The following CLEC12A variants were observed in gnomAD, a reference collection of about 807,000 sequenced individuals.
The protein encoded by CLEC12A is C-type lectin protein CLL-1.
In CLEC12A, 22 loss-of-function variants were observed where a neutral mutation model predicts 26.5. The observed-to-expected ratio is 0.83, with a 90% CI of 0.59 to 1.19. CLEC12A has a LOEUF of 1.19. Ranked by LOEUF, CLEC12A falls within the 50% of genes most tolerant of loss-of-function variation. The probability of loss-of-function intolerance (pLI) is 0.00; values close to 1 mark genes in which losing one functional copy is unlikely to be tolerated. For synonymous variants in CLEC12A, 119 were observed against 101.9 expected (o/e 1.17, Z -1.01); for missense variants, 353 against 315.6 (o/e 1.12, Z -0.90).
chr12:9,974,411 C>T (rs1416315992), intron 1 of CLEC12A, among the ~76,000 whole-genome samples: 8 of 152,154 alleles, frequency 5.3e-5, no homozygotes. Context: ...TAGAGTGACT[C>T]CCCAATATCT....
rs561276467 is a variant in CLEC12A at position 9,994,504 on chromosome 12, T to C, written n.1005-514T>C. Among the ~76,000 whole-genome samples, 44 of 152,236 alleles carry C rather than the reference T, an allele frequency of 2.9e-4. No individual in the cohort carries two copies. The East Asian group carries it at 5.6e-3, about 19-fold the overall frequency. On this transcript the variant is annotated intron_variant and non_coding_transcript_variant, in intron 4 of 4. Transcript: ENST00000449959. ...TTGAAGAGAGACTGCAGTTTTGATA[T>C]ACAGGATGAACAAAAGATGTTGAGA...
At chr12:9,978,881 AAATG>A in intron 1 of CLEC12A, 81 bp from the exon 2 acceptor site, 89 of 970,856 alleles carry the variant, frequency 9.2e-5, no homozygotes, top group Non-Finnish European at 1.2e-4. Flanking sequence ...AATAAAGGTA[AAATG>A]AATGAATGAA....
chr12:9,961,006 G>A (rs1021881493), intron 1 of CLEC12A, among the ~76,000 whole-genome samples: 22 of 152,310 alleles, frequency 1.4e-4, no homozygotes, highest in Admixed American at 8.5e-4. Context: ...GAGGCCCTGC[G>A]AACATGCACC....
upstream of CLEC12A, among the ~76,000 whole-genome samples, chr12:9,969,039 C>G (rs75778817): frequency 0.017 from 2,610 of 152,076 alleles, 21 homozygotes; most frequent in Non-Finnish European, 0.023. Context: ...TATGTGAGAG[C>G]TAAAAGAATG....
chr12:9,954,251 C>T (rs1184973468), intron 1 of CLEC12A, among the ~76,000 whole-genome samples: 11 of 145,832 alleles, frequency 7.5e-5, no homozygotes, highest in Admixed American at 3.4e-4. Flanking sequence ...GTCAGCTGGG[C>T]GCAAGAAACT....
downstream of CLEC12A, among the ~76,000 whole-genome samples, chr12:9,990,260 T>A (rs1864862198): frequency 1.3e-5 from 2 of 152,198 alleles, no homozygotes; most frequent in South Asian, 4.1e-4. Context: ...CTGATTCTTC[T>A]TATATATCAG....
intron 1 of CLEC12A, chr12:9,953,437 C>A (rs1863677159): frequency 8.5e-6 from 1 of 117,782 alleles, no homozygotes; most frequent in Admixed American, 9.1e-5. Context: ...TGGCCAGCCG[C>A]CCCGTCCGGG....
At chr12:9,963,896 A>G (rs1353803986) in intron 1 of CLEC12A, among the ~76,000 whole-genome samples, 1 of 152,124 alleles carries the variant, frequency 6.6e-6, no homozygotes, top group East Asian at 1.9e-4. Context: ...GGGAGGTTCG[A>G]TTTTCATGGT....
the CLEC12A span, among the ~76,000 whole-genome samples, chr12:10,001,850 A>T: frequency 8.0e-5 from 12 of 149,702 alleles, no homozygotes; most frequent in African/African-American, 2.9e-4. Flanking sequence ...CCTTTTCTTC[A>T]CTAAGGAAAC....
chr12:9,980,452 G>C, intron 3 of CLEC12A, 130 bp from the exon 4 acceptor site: 1 of 1,005,216 alleles, frequency 9.9e-7, no homozygotes, highest in Non-Finnish European at 1.4e-6. Context: ...AAAAAAAGGG[G>C]GAAAGAGAGA....
intron 1 of CLEC12A, among the ~76,000 whole-genome samples, chr12:9,955,398 TCTTA>T (rs1202045494): frequency 1.3e-5 from 2 of 152,208 alleles, no homozygotes; most frequent in African/African-American, 4.8e-5. Context: ...ACTTTATGTT[TCTTA>T]CTTAGGTGAA....
intron 4 of CLEC12A, among the ~76,000 whole-genome samples, chr12:9,994,828 T>TGC (rs1358270649): frequency 3.6e-5 from 5 of 138,624 alleles, no homozygotes; most frequent in South Asian, 2.3e-4. Context: ...CACATGTGCA[T>TGC]GCGCGCACAC....
At chr12:9,996,722 G>A (rs201722037), downstream of CLEC12A, 22 of 943,020 alleles carry the variant, frequency 2.3e-5, no homozygotes, top group East Asian at 4.8e-4. Context: ...GGTTTCACAA[G>A]GGTCTTAGAT....
intron 4 of CLEC12A, chr12:9,991,549 C>T (rs944793850): frequency 6.6e-6 from 1 of 152,006 alleles, no homozygotes; most frequent in Non-Finnish European, 1.5e-5. Context: ...GATACCATCA[C>T]CCAAATCCAA....
chr12:9,957,908 G>A (rs1172464476), intron 1 of CLEC12A, among the ~76,000 whole-genome samples: 1 of 152,154 alleles, frequency 6.6e-6, no homozygotes, highest in African/African-American at 2.4e-5. Context: ...ATCTGTAATA[G>A]CTAAAATTAA....
At position 9,985,455 on chromosome 12, in the gene CLEC12A, A is replaced by G. The variant is rs1008415731; in HGVS notation, c.*429A>G. Reference sequence around the variant, plus strand: ...ATCCTATACTTCCATGGGACTCCCTATGGCTGAAGGCCTTATGAGTCAAAG... The same window carrying G: ...ATCCTATACTTCCATGGGACTCCCTGTGGCTGAAGGCCTTATGAGTCAAAG... On this transcript the variant is annotated 3_prime_UTR_variant, in exon 6 of 6. Transcript: ENST00000304361. 22 of 399,272 alleles carry G rather than the reference A, an allele frequency of 5.5e-5. 1 individual carries two copies. The East Asian group carries it at 6.0e-4, about 11-fold the overall frequency. 24.7% of individuals were successfully genotyped at this position (399,272 alleles called of 1,614,324 possible).
chr12:9,986,554 T>C (rs965743388), downstream of CLEC12A, among the ~76,000 whole-genome samples: 3 of 152,162 alleles, frequency 2.0e-5, no homozygotes, highest in African/African-American at 7.2e-5. Context: ...CTTATGCCTG[T>C]AATCCCAGCA....
At chr12:9,976,823 G>A (rs929715916) in intron 1 of CLEC12A, among the ~76,000 whole-genome samples, 1 of 152,126 alleles carries the variant, frequency 6.6e-6, no homozygotes, top group Non-Finnish European at 1.5e-5. Flanking sequence ...TGAATCATAT[G>A]GTAGGGGTGT....
downstream of CLEC12A, among the ~76,000 whole-genome samples, chr12:9,999,458 A>C (rs1293773163): frequency 5.3e-5 from 8 of 152,148 alleles, no homozygotes; most frequent in East Asian, 1.5e-3. Flanking sequence ...TCTTAGCCCT[A>C]GCTTAGTCTA....
Sources: allele counts gnomAD v4.1 joint callset (sites outside exome capture counted in the v4.1 genomes callset), GRCh38; gene constraint gnomAD v4.1.1; transcripts MANE v1.5; gene names NCBI Gene and HGNC (gene_info 2026-07-23, HGNC 2026-07-21).